Variants in GOLGA3 observed in about 807,000 individuals in gnomAD.
GOLGA3 encodes golgin subfamily A member 3.
GOLGA3 carries 75 observed loss-of-function variants against 169.4 expected under a neutral mutation model. That is an observed-to-expected ratio of 0.44 (90% CI 0.37 to 0.54). The LOEUF is 0.54. Among genes scored for constraint, GOLGA3 ranks in the 20% least tolerant of loss-of-function variants. The pLI is 0.00. For synonymous variants in GOLGA3, 824 were observed against 822.4 expected (o/e 1.00, Z -0.03); for missense variants, 1,899 against 1,930.0 (o/e 0.98, Z 0.30).
intron 12 of GOLGA3, 76 bp from the exon 13 acceptor site, chr12:132,789,366 C>T: frequency 7.6e-7 from 1 of 1,319,348 alleles, no homozygotes; most frequent in Non-Finnish European, 1.0e-6. Flanking sequence ...AAGCTGGCTT[C>T]AACAAAAATG....
chr12:132,792,890 C>G (rs577235180), intron 11 of GOLGA3, among the ~76,000 whole-genome samples: 1 of 127,546 alleles, frequency 7.8e-6, no homozygotes, highest in African/African-American at 3.0e-5. Context: ...ACCCACCACA[C>G]GGGATCTGCA....
At chr12:132,780,770 G>T in intron 18 of GOLGA3, 28 bp downstream of exon 18, 1 of 1,401,714 alleles carries the variant, frequency 7.1e-7, no homozygotes, top group Non-Finnish European at 1.0e-6. Context: ...CCTCTGGAAC[G>T]CCCTGTGAGA....
Position 132,777,543 on chromosome 12 carries a change from TTC to T in GOLGA3, c.3722+121_3722+122del. The stretch of plus-strand genomic sequence containing the variant: ...GGCTGGGTGCCTTCTACTCCTATGA[TTC>T]ACTCAAGTACTCGGCAATTTGCAAA... On this transcript the variant is annotated intron_variant, in intron 19 of 23. Coordinates refer to ENST00000450791, the MANE Select transcript of GOLGA3 (RefSeq NM_001389683.1). This position sits in a 1 kb window ranked among gnomAD's most constrained non-coding sequence, Gnocchi z 4.7. 9.5e-7 allele frequency: 1 copy of T among 1,051,282 alleles called. No homozygotes were observed. Among genetic ancestry groups the T allele is most frequent in the African/African-American group, 1.6e-5 (1 of 63,492 alleles). The allele number at this position is 1,051,282 out of a possible 1,614,324, so 65.1% of individuals were successfully genotyped here. A position where few individuals can be genotyped will look rare whatever the true frequency, so the allele number is the denominator to read the frequency against.
intron 22 of GOLGA3, 104 bp downstream of exon 22, chr12:132,775,037 A>T: frequency 9.9e-7 from 1 of 1,007,966 alleles, no homozygotes; most frequent in Non-Finnish European, 1.5e-6. Context: ...TGTGGGCTCA[A>T]CAAATCCGTT....
Position 132,795,510 on chromosome 12 carries a change from C to T in GOLGA3, c.2469+342G>A, listed in dbSNP as rs549502809. Among the ~76,000 whole-genome samples, 94 of 151,662 alleles carry T rather than the reference C, an allele frequency of 6.2e-4. 1 individual carries two copies. Among genetic ancestry groups the T allele is most frequent in the South Asian group, 1.0e-3 (5 of 4,780 alleles). ...GGCATGGTGGTTCAGCCTGTAATCC[C>T]AGCACTGTGGGAGACCGAGGCGGGT... On this transcript the variant is annotated intron_variant, in intron 11 of 23. Transcript: ENST00000450791.
chr12:132,786,013 G>C (rs955065227), intron 15 of GOLGA3, among the ~76,000 whole-genome samples: 1 of 152,252 alleles, frequency 6.6e-6, no homozygotes, highest in Non-Finnish European at 1.5e-5. Flanking sequence ...GAGGCGCAGA[G>C]GCAGCTGGAA....
At chr12:132,779,437 A>T (rs2045425155) in intron 18 of GOLGA3, among the ~76,000 whole-genome samples, 1 of 152,098 alleles carries the variant, frequency 6.6e-6, no homozygotes, top group African/African-American at 2.4e-5. Flanking sequence ...TTCACCCCTT[A>T]AAAAAAATCA....
intron 21 of GOLGA3, among the ~76,000 whole-genome samples, chr12:132,775,742 T>G (rs1276656141): frequency 6.6e-6 from 1 of 151,204 alleles, no homozygotes; most frequent in Admixed American, 6.8e-5. Flanking sequence ...TGATGGACGC[T>G]TGTCGGCCTG....
chr12:132,782,893 GA>G (rs990552547), intron 16 of GOLGA3, among the ~76,000 whole-genome samples: 29 of 140,282 alleles, frequency 2.1e-4, no homozygotes, highest in African/African-American at 6.9e-4. Context: ...AAAAAAAAAA[GA>G]AAAAGAAAAG....
chr12:132,786,071 G>A (rs1354877984), intron 15 of GOLGA3, among the ~76,000 whole-genome samples: 1 of 152,224 alleles, frequency 6.6e-6, no homozygotes, highest in Non-Finnish European at 1.5e-5. Flanking sequence ...GGGAGCAGCT[G>A]AACTTCTCTG....
chr12:132,790,770 G>A (rs913437174), intron 12 of GOLGA3, among the ~76,000 whole-genome samples: 23 of 151,946 alleles, frequency 1.5e-4, no homozygotes, highest in African/African-American at 5.1e-4. Flanking sequence ...AAAGAGGGCC[G>A]GGCGCGGTGA....
chr12:132,796,772 T>C (rs1402497253), intron 9 of GOLGA3, 72 bp from the exon 10 acceptor site: 1 of 1,466,994 alleles, frequency 6.8e-7, no homozygotes, highest in East Asian at 2.3e-5. Flanking sequence ...GGCCCCGTGC[T>C]CTGCAGAGAA....
intron 23 of GOLGA3, 55 bp from the exon 24 acceptor site, chr12:132,773,349 G>A (rs1288903933): frequency 1.9e-4 from 215 of 1,159,298 alleles, no homozygotes; most frequent in Admixed American, 2.6e-4. Context: ...CAGGCAGAAC[G>A]CGCCACCTGT....
At position 132,822,312 on chromosome 12, in the gene GOLGA3, C is replaced by T; in HGVS notation, c.-183-1G>A. The T allele has an allele frequency of 7.5e-7, 1 of 1,330,952 alleles. No homozygotes were observed. Among genetic ancestry groups the T allele is most frequent in the Non-Finnish European group, 9.6e-7 (1 of 1,040,302 alleles). The allele number at this position is 1,330,952 out of a possible 1,614,324, so 82.4% of individuals were successfully genotyped here. A position where few individuals can be genotyped will look rare whatever the true frequency, so the allele number is the denominator to read the frequency against. ...GTCAAACCAGCTAATATCATGATAC[C>T]TGACAGGAGAGAGAGACAAAATGTA... On this transcript the variant is annotated splice_acceptor_variant, in intron 1 of 23. Coordinates refer to ENST00000450791, the MANE Select transcript of GOLGA3 (RefSeq NM_001389683.1). LOFTEE classifies it low-confidence loss of function (5UTR_SPLICE).
intron 11 of GOLGA3, among the ~76,000 whole-genome samples, chr12:132,794,200 G>A (rs996592439): frequency 2.0e-5 from 3 of 152,132 alleles, no homozygotes; most frequent in Non-Finnish European, 2.9e-5. Flanking sequence ...GGATACTGCT[G>A]TGTCTAGATG....
At chr12:132,796,964 C>G (rs949692661) in intron 9 of GOLGA3, among the ~76,000 whole-genome samples, 3 of 152,216 alleles carry the variant, frequency 2.0e-5, no homozygotes, top group South Asian at 2.1e-4. Flanking sequence ...CCCCGACTTT[C>G]TCGTGTGGCG....
chr12:132,786,813 G>A (rs1472794472), intron 13 of GOLGA3, 26 bp from the exon 14 acceptor site: 1 of 1,461,334 alleles, frequency 6.8e-7, no homozygotes, highest in Non-Finnish European at 9.6e-7. Flanking sequence ...AGGGCGTGAG[G>A]AGCGGCACTG....
intron 18 of GOLGA3, among the ~76,000 whole-genome samples, chr12:132,779,665 T>C (rs1035239355): frequency 5.8e-4 from 89 of 152,258 alleles, no homozygotes; most frequent in African/African-American, 1.9e-3. Flanking sequence ...TTATTTCTTG[T>C]GTTCCTCCTA....
At chr12:132,824,755 G>C (rs1286168837) in intron 1 of GOLGA3, among the ~76,000 whole-genome samples, 2 of 152,124 alleles carry the variant, frequency 1.3e-5, no homozygotes, top group Non-Finnish European at 2.9e-5. Context: ...ATGGGCCTTA[G>C]AGCCTAGGCA....
Sources: allele counts gnomAD v4.1 joint callset (sites outside exome capture counted in the v4.1 genomes callset), GRCh38; gene constraint gnomAD v4.1.1; non-coding constraint Gnocchi (gnomAD v3.1); transcripts MANE v1.5; gene names NCBI Gene and HGNC (gene_info 2026-07-23, HGNC 2026-07-21).